The following SPMIP5 variants were observed in gnomAD, a reference collection of about 807,000 sequenced individuals.
SPMIP5 encodes sperm microtubule inner protein 5, also known as sperm-associated microtubule inner protein 5.
chr10:116,664,724 A>G, the SPMIP5 span: 5 of 1,604,248 alleles, frequency 3.1e-6, no homozygotes, highest in Middle Eastern at 1.7e-4. Flanking sequence ...TCTCCCTTTG[A>G]CCTTGTGCCT....
chr10:116,665,621 G>A, the SPMIP5 span: 7,290 of 1,613,244 alleles, frequency 4.5e-3, 25 homozygotes, highest in Non-Finnish European at 5.5e-3. Flanking sequence ...GGATCAGGGG[G>A]TGGTACTGCA....
the SPMIP5 span, chr10:116,665,061 G>T: frequency 1.3e-6 from 2 of 1,493,156 alleles, no homozygotes; most frequent in Admixed American, 2.4e-5. Context: ...TCTCAGACCA[G>T]CACCCTCTTC....
chr10:116,670,034 CCCA>C, the SPMIP5 span: 7 of 152,264 alleles, frequency 4.6e-5, no homozygotes, highest in African/African-American at 1.7e-4. Context: ...GCACAAAGGC[CCCA>C]CCACCGCCAG....
the SPMIP5 span, chr10:116,668,116 CT>C: frequency 3.9e-6 from 3 of 779,126 alleles, no homozygotes; most frequent in East Asian, 4.9e-5. Context: ...CGATGGAATG[CT>C]CTCAATGCAT....
At chr10:116,665,327 C>T in the SPMIP5 span, 1 of 383,184 alleles carries the variant, frequency 2.6e-6, no homozygotes, top group Non-Finnish European at 4.5e-6. Context: ...ATCGCTTGAA[C>T]CCAGGAGGCA....
the SPMIP5 span, chr10:116,664,039 G>A: frequency 6.3e-7 from 1 of 1,584,560 alleles, no homozygotes; most frequent in Admixed American, 1.8e-5. Context: ...TCCAAGGGCA[G>A]GGCAGCTTCC....
the SPMIP5 span, among the ~76,000 whole-genome samples, chr10:116,667,320 G>A: frequency 1.3e-5 from 2 of 152,204 alleles, no homozygotes; most frequent in Non-Finnish European, 2.9e-5. Flanking sequence ...GATTTCAGAC[G>A]TCTGGCCTCA....
At chr10:116,667,739 AAGGACTG>A in the SPMIP5 span, among the ~76,000 whole-genome samples, 2 of 152,200 alleles carry the variant, frequency 1.3e-5, no homozygotes, top group African/African-American at 2.4e-5. Context: ...CTGGTTTGCC[AAGGACTG>A]AGGAGTTTCC....
chr10:116,664,559 G>C, the SPMIP5 span: 3 of 1,063,904 alleles, frequency 2.8e-6, no homozygotes, highest in Non-Finnish European at 2.6e-6. Flanking sequence ...AGAGCTGCTG[G>C]GGAATGCTGA....
At chr10:116,663,998 G>A in the SPMIP5 span, 1 of 1,546,296 alleles carries the variant, frequency 6.5e-7, no homozygotes, top group East Asian at 2.4e-5. Flanking sequence ...CCACATGTCA[G>A]CGGAGTTTTG....
the SPMIP5 span, among the ~76,000 whole-genome samples, chr10:116,662,964 C>T: frequency 5.9e-5 from 9 of 151,960 alleles, no homozygotes; most frequent in African/African-American, 1.2e-4. Flanking sequence ...AGGCGGATCA[C>T]GAGGTCAGGA....
chr10:116,668,959 A>ACACACACACACG, the SPMIP5 span, among the ~76,000 whole-genome samples: 1 of 151,606 alleles, frequency 6.6e-6, no homozygotes, highest in Non-Finnish European at 1.5e-5. Context: ...ACACACACAC[A>ACACACACACACG]CACACACACA....
At chr10:116,666,335 AT>A in the SPMIP5 span, among the ~76,000 whole-genome samples, 1 of 152,136 alleles carries the variant, frequency 6.6e-6, no homozygotes, top group African/African-American at 2.4e-5. Context: ...CCCTAGCACA[AT>A]TTTTCACCAT....
the SPMIP5 span, among the ~76,000 whole-genome samples, chr10:116,666,040 G>A: frequency 6.6e-6 from 1 of 152,228 alleles, no homozygotes; most frequent in African/African-American, 2.4e-5. Context: ...CTTGGAGCTG[G>A]GGAGGGAAGG....
chr10:116,664,676 TG>T, the SPMIP5 span: 1 of 1,551,088 alleles, frequency 6.4e-7, no homozygotes, highest in Non-Finnish European at 8.7e-7. Flanking sequence ...AGTGCTGGGA[TG>T]GGGACATCTG....
the SPMIP5 span, among the ~76,000 whole-genome samples, chr10:116,663,061 A>G: frequency 1.3e-5 from 2 of 151,854 alleles, no homozygotes; most frequent in Non-Finnish European, 2.9e-5. Context: ...GGGCGCCTGT[A>G]GTCCCAGCTA....
chr10:116,669,769 G>A, the SPMIP5 span, among the ~76,000 whole-genome samples: 2 of 152,134 alleles, frequency 1.3e-5, no homozygotes, highest in Admixed American at 1.3e-4. Flanking sequence ...GACAGGATAT[G>A]TTGCCCAAAA....
At chr10:116,663,677 C>T in the SPMIP5 span, 8 of 499,398 alleles carry the variant, frequency 1.6e-5, no homozygotes, top group South Asian at 2.9e-5. Context: ...GGAGAAAACC[C>T]GCACAAGAAA....
At chr10:116,664,629 G>C in the SPMIP5 span, 130 of 1,477,904 alleles carry the variant, frequency 8.8e-5, 1 homozygote, top group South Asian at 1.8e-3. Flanking sequence ...TACAAATGAG[G>C]CACCTTCTCT....
Sources: allele counts gnomAD v4.1 joint callset (sites outside exome capture counted in the v4.1 genomes callset), GRCh38; gene constraint gnomAD v4.1.1; transcripts MANE v1.5; gene names NCBI Gene and HGNC (gene_info 2026-07-23, HGNC 2026-07-21).